The following IGF2BP3 variants were observed in gnomAD, a reference collection of about 807,000 sequenced individuals.
IGF2BP3 encodes the protein insulin-like growth factor 2 mRNA-binding protein 3.
IGF2BP3 carries 9 observed loss-of-function variants against 73.8 expected under a neutral mutation model. The observed-to-expected ratio is 0.12, with a 90% confidence interval of 0.07 to 0.21. The LOEUF (loss-of-function observed/expected upper bound fraction) is 0.21. Among genes scored for constraint, IGF2BP3 ranks in the 10% least tolerant of loss-of-function variants. The pLI, the probability that IGF2BP3 is intolerant of heterozygous loss-of-function variation, is 1.00. For missense variants in IGF2BP3, 542 were observed against 714.0 expected (o/e 0.76, Z 2.75); for synonymous variants, 258 against 256.7 (o/e 1.01, Z -0.05).
chr7:23,456,031 C>G (rs1015750499), intron 2 of IGF2BP3, among the ~76,000 whole-genome samples: 4 of 152,126 alleles, frequency 2.6e-5, no homozygotes, highest in African/African-American at 9.7e-5. Context: ...ATAGAATCAA[C>G]TATGAGCACA....
chr7:23,364,522 T>C (rs1583939414), intron 3 of IGF2BP3, among the ~76,000 whole-genome samples: 1 of 108,416 alleles, frequency 9.2e-6, no homozygotes, highest in Non-Finnish European at 1.7e-5. Context: ...CATTCCAGCC[T>C]GGGAAACAGA....
At position 23,424,776 on chromosome 7, in the gene IGF2BP3, GAGC is replaced by G. The variant is rs531845933; in HGVS notation, c.237-5955_237-5953del. Reference sequence around the variant, plus strand: ...TAAAATTAATTTTTAAGAGCCAATAGAGCAGCTCATGTAGACTCTGAAGGGCAT... The same window carrying G: ...TAAAATTAATTTTTAAGAGCCAATAGAGCTCATGTAGACTCTGAAGGGCAT... On this transcript the variant is annotated intron_variant, in intron 2 of 14. Coordinates refer to ENST00000258729, the MANE Select transcript of IGF2BP3 (RefSeq NM_006547.3). Among the ~76,000 whole-genome samples the G allele has an allele frequency of 8.5e-5, 13 of 152,252 alleles. 1 individual carries two copies. The South Asian group carries it at 2.7e-3, about 32-fold the overall frequency.
At position 23,341,964 on chromosome 7, in the gene IGF2BP3, G is replaced by T. The variant is rs1429823078; in HGVS notation, c.1203+100C>A. 4.6e-6 allele frequency: 6 copies of T among 1,296,640 alleles called. No individual in the cohort carries two copies. In the East Asian group the frequency reaches 1.7e-4, roughly 37 times the overall value. 80.3% of individuals were successfully genotyped at this position (1,296,640 alleles called of 1,614,324 possible). A position where few individuals can be genotyped will look rare whatever the true frequency, so the allele number is the denominator to read the frequency against. ...TAAGAAGGCTCCATTAGCAAGAACT[G>T]GAGAGCATATGTTGGCATCTAAACA... On this transcript the variant is annotated intron_variant, in intron 10 of 14. Coordinates refer to ENST00000258729, the MANE Select transcript of IGF2BP3 (RefSeq NM_006547.3).
chr7:23,435,939 T>A (rs1787799746), intron 2 of IGF2BP3, among the ~76,000 whole-genome samples: 1 of 151,876 alleles, frequency 6.6e-6, no homozygotes. Context: ...GTATTTTTAG[T>A]AGAGACGGGG....
At chr7:23,339,679 C>A (rs78689523) in intron 10 of IGF2BP3, among the ~76,000 whole-genome samples, 2,661 of 152,222 alleles carry the variant, frequency 0.017, 77 homozygotes, top group African/African-American at 0.055. Context: ...GGGAATGAAA[C>A]AGAGAGGTTA....
chr7:23,436,972 C>T (rs1489277551), intron 2 of IGF2BP3, among the ~76,000 whole-genome samples: 1 of 151,876 alleles, frequency 6.6e-6, no homozygotes, highest in Non-Finnish European at 1.5e-5. Flanking sequence ...AAAAATTAGC[C>T]AGGCATGGTG....
At chr7:23,433,195 T>C (rs79103507) in intron 2 of IGF2BP3, among the ~76,000 whole-genome samples, 1 of 152,166 alleles carries the variant, frequency 6.6e-6, no homozygotes, top group Non-Finnish European at 1.5e-5. Context: ...ATTCCCATAC[T>C]TTTCCATAGC....
At chr7:23,414,987 T>A in intron 3 of IGF2BP3, 1 of 191,152 alleles carries the variant, frequency 5.2e-6, no homozygotes, top group Non-Finnish European at 1.1e-5. Flanking sequence ...CATCACTGCA[T>A]CTGCAGGTCC....
chr7:23,319,832 A>G (rs1784087028), intron 10 of IGF2BP3, among the ~76,000 whole-genome samples: 1 of 152,208 alleles, frequency 6.6e-6, no homozygotes, highest in Non-Finnish European at 1.5e-5. Flanking sequence ...CAGGATTAGG[A>G]GAGAGCTAAT....
intron 2 of IGF2BP3, among the ~76,000 whole-genome samples, chr7:23,436,170 T>C (rs934023111): frequency 6.6e-6 from 1 of 152,206 alleles, no homozygotes; most frequent in Non-Finnish European, 1.5e-5. Flanking sequence ...AAGAAACTTA[T>C]TTAAATCCCA....
chr7:23,361,879 T>A, intron 3 of IGF2BP3, 138 bp from the exon 4 acceptor site: 1 of 658,538 alleles, frequency 1.5e-6, no homozygotes, highest in Non-Finnish European at 2.6e-6. Flanking sequence ...ACTGCAGAAC[T>A]AAGGGATGGA....
At chr7:23,443,411 C>T (rs930912475) in intron 2 of IGF2BP3, among the ~76,000 whole-genome samples, 1 of 152,090 alleles carries the variant, frequency 6.6e-6, no homozygotes. Flanking sequence ...AGGCATGAGC[C>T]ACCGCGACTG....
intron 2 of IGF2BP3, among the ~76,000 whole-genome samples, chr7:23,452,271 T>C (rs551133932): frequency 3.9e-4 from 60 of 152,278 alleles, no homozygotes; most frequent in African/African-American, 1.4e-3. Flanking sequence ...CCTCAAGTGC[T>C]GGAATTACAG....
At chr7:23,424,353 C>T (rs954148637) in intron 2 of IGF2BP3, among the ~76,000 whole-genome samples, 33 of 151,838 alleles carry the variant, frequency 2.2e-4, no homozygotes, top group African/African-American at 8.0e-4. Context: ...CAAAAATTAG[C>T]TGGGCGTAGT....
At chr7:23,436,284 A>G (rs774085356) in intron 2 of IGF2BP3, among the ~76,000 whole-genome samples, 4 of 152,174 alleles carry the variant, frequency 2.6e-5, no homozygotes, top group South Asian at 2.1e-4. Flanking sequence ...TATGCTTTTT[A>G]AAAGTCTGTC....
intron 2 of IGF2BP3, among the ~76,000 whole-genome samples, chr7:23,426,072 A>G (rs1787501826): frequency 6.6e-6 from 1 of 152,146 alleles, no homozygotes. Context: ...CGCGCCTGTA[A>G]TCCCAGCATT....
intron 8 of IGF2BP3, 33 bp downstream of exon 8, chr7:23,345,907 A>G (rs1784817649): frequency 6.2e-7 from 1 of 1,604,696 alleles, no homozygotes; most frequent in Non-Finnish European, 8.5e-7. Context: ...AGTGTTGGAA[A>G]GTTTTCTTAT....
intron 2 of IGF2BP3, among the ~76,000 whole-genome samples, chr7:23,448,295 TCA>T (rs1202233690): frequency 6.6e-6 from 1 of 152,254 alleles, no homozygotes; most frequent in Non-Finnish European, 1.5e-5. Context: ...AGGGTTCATT[TCA>T]GTTTGAAGAA....
chr7:23,326,627 T>C (rs540902651), intron 10 of IGF2BP3, among the ~76,000 whole-genome samples: 47 of 151,160 alleles, frequency 3.1e-4, no homozygotes, highest in African/African-American at 8.0e-4. Context: ...CGTATGTTTA[T>C]TGCGGCATTA....
Sources: allele counts gnomAD v4.1 joint callset (sites outside exome capture counted in the v4.1 genomes callset), GRCh38; gene constraint gnomAD v4.1.1; transcripts MANE v1.5; gene names NCBI Gene and HGNC (gene_info 2026-07-23, HGNC 2026-07-21).